The following LTBP1 variants were observed in gnomAD, a reference collection of about 807,000 sequenced individuals.
The protein encoded by LTBP1 is latent transforming growth factor beta binding protein 1, also known as latent-transforming growth factor beta-binding protein 1.
In LTBP1, 129 loss-of-function variants were observed where a neutral mutation model predicts 207.6. That is an observed-to-expected ratio of 0.62 (90% CI 0.54 to 0.72). The LOEUF is 0.72. LTBP1 is among the 30% of genes least tolerant of loss of function. The pLI is 0.00. For missense variants in LTBP1, 2,281 were observed against 2,217.2 expected (o/e 1.03, Z -0.58); for synonymous variants, 963 against 833.7 (o/e 1.16, Z -2.67).
intron 3 of LTBP1, among the ~76,000 whole-genome samples, chr2:33,097,050 C>G (rs990357494): frequency 2.0e-5 from 3 of 152,082 alleles, no homozygotes; most frequent in Non-Finnish European, 4.4e-5. Flanking sequence ...GAAACAATGG[C>G]TCTAGTAATT....
chr2:33,128,088 C>T (rs2081545358), intron 4 of LTBP1, among the ~76,000 whole-genome samples: 1 of 152,224 alleles, frequency 6.6e-6, no homozygotes, highest in South Asian at 2.1e-4. Context: ...GGAATGGCCC[C>T]CTGTTTAGCT....
chr2:33,080,249 A>G (rs538759562), intron 3 of LTBP1, among the ~76,000 whole-genome samples: 1 of 152,242 alleles, frequency 6.6e-6, no homozygotes, highest in South Asian at 2.1e-4. Context: ...GCTGGTCTCA[A>G]ACTCCTGACC....
chr2:33,130,302 G>A (rs764212972), intron 4 of LTBP1, among the ~76,000 whole-genome samples: 3 of 152,162 alleles, frequency 2.0e-5, no homozygotes, highest in Non-Finnish European at 4.4e-5. Flanking sequence ...CTTCTTCCCA[G>A]AGGATATTGC....
rs887888531 is a variant in LTBP1, at chr2:33,251,635, G to A, written c.2000-1042G>A. ...AGCTGAGATCGCGCCACTGCACTCC[G>A]GCCTCGGCAACAGAGTGAGACTCAG... On this transcript the variant is annotated intron_variant, in intron 10 of 33. Transcript: ENST00000404816. 2.4e-4 allele frequency among the ~76,000 whole-genome samples: 35 copies of A among 143,402 alleles called. No homozygotes were observed. In the East Asian group the frequency reaches 6.6e-3, roughly 27 times the overall value. 94.1% of individuals were successfully genotyped at this position (143,402 alleles called of 152,430 possible). A position where few individuals can be genotyped will look rare whatever the true frequency, so the allele number is the denominator to read the frequency against.
At chr2:33,066,713 A>G (rs899615696) in intron 3 of LTBP1, among the ~76,000 whole-genome samples, 2 of 152,238 alleles carry the variant, frequency 1.3e-5, no homozygotes, top group African/African-American at 2.4e-5. Flanking sequence ...AAAATTTAAA[A>G]TCAAATGTTT....
chr2:33,390,464 G>A (rs1036700947), intron 32 of LTBP1, among the ~76,000 whole-genome samples: 7 of 151,954 alleles, frequency 4.6e-5, no homozygotes, highest in African/African-American at 1.7e-4. Context: ...CTCACAGAGG[G>A]GCCATCCTCA....
At chr2:33,018,900 C>CT (rs1158730967) in intron 2 of LTBP1, among the ~76,000 whole-genome samples, 1 of 151,994 alleles carries the variant, frequency 6.6e-6, no homozygotes, top group African/African-American at 2.4e-5. Flanking sequence ...TCCTTCCCAA[C>CT]TTTCTGAAAA....
At chr2:33,266,411 G>A (rs966154835) in intron 15 of LTBP1, among the ~76,000 whole-genome samples, 1 of 152,174 alleles carries the variant, frequency 6.6e-6, no homozygotes, top group African/African-American at 2.4e-5. Context: ...GTTCCTGGGT[G>A]GAAAGGGGTG....
intron 4 of LTBP1, among the ~76,000 whole-genome samples, chr2:33,131,426 A>G (rs2081783471): frequency 2.0e-5 from 3 of 152,184 alleles, no homozygotes; most frequent in South Asian, 4.1e-4. Flanking sequence ...TTTTTACACT[A>G]TACCCTAAAT....
intron 5 of LTBP1, among the ~76,000 whole-genome samples, chr2:33,171,536 G>A (rs553935274): frequency 6.6e-6 from 1 of 151,320 alleles, no homozygotes; most frequent in South Asian, 2.1e-4. Context: ...TCTGATTGGT[G>A]TACCTGAAAG....
At chr2:33,347,215 G>A in intron 25 of LTBP1, 152 bp from the exon 26 acceptor site, 1 of 693,464 alleles carries the variant, frequency 1.4e-6, no homozygotes, top group Non-Finnish European at 2.5e-6. Flanking sequence ...ACCTTAAAGA[G>A]CCCCTTCCCT....
intron 19 of LTBP1, among the ~76,000 whole-genome samples, chr2:33,286,940 G>A (rs1242860567): frequency 6.6e-6 from 1 of 152,130 alleles, no homozygotes; most frequent in African/African-American, 2.4e-5. Flanking sequence ...GTGGGGTGAG[G>A]GGAGGGGGAA....
At chr2:33,084,414 CCTGGAGGCTTCT>C (rs1319441785) in intron 3 of LTBP1, among the ~76,000 whole-genome samples, 19 of 152,182 alleles carry the variant, frequency 1.2e-4, no homozygotes, top group African/African-American at 4.6e-4. Context: ...TGGGAGGCGT[CCTGGAGGCTTCT>C]GTCTTTATCC....
At chr2:33,100,045 A>T (rs746365067) in intron 3 of LTBP1, among the ~76,000 whole-genome samples, 6 of 152,222 alleles carry the variant, frequency 3.9e-5, no homozygotes, top group Admixed American at 2.0e-4. Flanking sequence ...CAGTGGGAGA[A>T]TAATCTGGGG....
intron 24 of LTBP1, among the ~76,000 whole-genome samples, chr2:33,317,478 T>A (rs2094290000): frequency 6.6e-6 from 1 of 152,216 alleles, no homozygotes. Context: ...AAATTTCCCT[T>A]TGTTAGACTC....
At chr2:33,183,169 A>C (rs552814199) in intron 5 of LTBP1, among the ~76,000 whole-genome samples, 1 of 152,280 alleles carries the variant, frequency 6.6e-6, no homozygotes, top group African/African-American at 2.4e-5. Flanking sequence ...CTTTAATGTT[A>C]ATTCCTTTGG....
At chr2:33,016,957 C>T (rs1445750792) in intron 2 of LTBP1, among the ~76,000 whole-genome samples, 2 of 152,206 alleles carry the variant, frequency 1.3e-5, no homozygotes. Context: ...ACAGAAGTTG[C>T]AGTGAGTCAA....
chr2:33,136,189 TA>T (rs751318656), intron 5 of LTBP1, among the ~76,000 whole-genome samples: 4 of 152,218 alleles, frequency 2.6e-5, no homozygotes, highest in South Asian at 2.1e-4. Context: ...CTGGCTATGA[TA>T]GGGGTACTCT....
At chr2:33,297,632 A>G (rs1406752296) in intron 20 of LTBP1, among the ~76,000 whole-genome samples, 1 of 151,996 alleles carries the variant, frequency 6.6e-6, no homozygotes, top group Non-Finnish European at 1.5e-5. Flanking sequence ...GGGTTTCACC[A>G]TGTTAGCCAG....
Sources: allele counts gnomAD v4.1 joint callset (sites outside exome capture counted in the v4.1 genomes callset), GRCh38; gene constraint gnomAD v4.1.1; transcripts MANE v1.5; gene names NCBI Gene and HGNC (gene_info 2026-07-23, HGNC 2026-07-21).